LCN8: variants seen among roughly 807,000 people sequenced by gnomAD.
LCN8 encodes the protein epididymal-specific lipocalin-8.
In LCN8, 16 loss-of-function variants were observed where a neutral mutation model predicts 22.8. The ratio of observed to expected loss-of-function variants is 0.70; its 90% confidence interval spans 0.47 to 1.06. LCN8 has a LOEUF of 1.06. Among genes scored for constraint, LCN8 ranks in the 50% least tolerant of loss-of-function variants. The pLI, the probability that LCN8 is intolerant of heterozygous loss-of-function variation, is 0.00. For synonymous variants in LCN8, 92 were observed against 83.4 expected (o/e 1.10, Z -0.56); for missense variants, 189 against 203.3 (o/e 0.93, Z 0.43).
intron 6 of LCN8, 48 bp downstream of exon 6, chr9:136,755,087 A>G: frequency 2.0e-6 from 3 of 1,474,622 alleles, no homozygotes; most frequent in Non-Finnish European, 2.7e-6. Flanking sequence ...GGACTGGGCC[A>G]GGGGCCCGGG....
At chr9:136,756,392 C>A in intron 3 of LCN8, 130 bp downstream of exon 3, 2 of 1,599,108 alleles carry the variant, frequency 1.3e-6, no homozygotes, top group Non-Finnish European at 1.7e-6. Flanking sequence ...GGGAACAGTG[C>A]AGGGAACAGC....
In LCN8 at chr9:136,756,888, C is replaced by T. The variant is rs970031819; in HGVS notation, c.155+150G>A. Reference sequence around the variant, plus strand: ...AATGCAGATCCAGGAGCCTGGGGGTCGAGGGCTCAGGCAGACGGGCACCGG... The same window carrying T: ...AATGCAGATCCAGGAGCCTGGGGGTTGAGGGCTCAGGCAGACGGGCACCGG... On this transcript the variant is annotated intron_variant, in intron 2 of 6. Coordinates refer to ENST00000371688, the MANE Select transcript of LCN8 (RefSeq NM_178469.4). 19 of 932,852 alleles carry T rather than the reference C, an allele frequency of 2.0e-5. No homozygotes were observed. The Middle Eastern group carries it at 1.4e-3, about 67-fold the overall frequency. 57.8% of individuals were successfully genotyped at this position (932,852 alleles called of 1,614,324 possible).
intron 1 of LCN8, chr9:136,757,596 G>A (rs901423418): frequency 5.6e-5 from 78 of 1,398,392 alleles, no homozygotes; most frequent in East Asian, 1.3e-4. Context: ...TGCCAACCAC[G>A]CCAGAGGATG....
rs1392103389 is a variant in LCN8 at position 136,756,156 on chromosome 9, GGAACAGCATGA to G, written c.226+355_226+365del. Reference sequence around the variant, plus strand: ...GGGAACAGCATGTGGAACAGCGCAGGGAACAGCATGAGGAACAGTGCAGGGAACAGCATGGG... The same window carrying G: ...GGGAACAGCATGTGGAACAGCGCAGGGGAACAGTGCAGGGAACAGCATGGG... On this transcript the variant is annotated intron_variant, in intron 3 of 6. Transcript: ENST00000371688. The G allele has an allele frequency of 4.7e-4, 435 of 921,122 alleles. 3 individuals carry two copies. The highest frequency in any genetic ancestry group is 1.2e-3 in the Admixed American group (35 of 28,222). The allele number at this position is 921,122 out of a possible 1,614,324, so 57.1% of individuals were successfully genotyped here. A position where few individuals can be genotyped will look rare whatever the true frequency, so the allele number is the denominator to read the frequency against.
Position 136,755,294 on chromosome 9 carries a change from T to G in LCN8, c.371A>C (p.Lys124Thr), listed in dbSNP as rs774526682. The stretch of plus-strand genomic sequence containing the variant: ...AGTGTCTGCTGTCAGCTCCCGAAAC[T>G]TCCAGAACCCCAGCCGGTCCTTGTC... ...LEDKDRLGFW[K>T]FRELTADTGL... The change falls in exon 5 of 7, where the codon AAG becomes ACG. Residue 124 changes from lysine to threonine, a missense_variant. Lys to Thr is a moderately conservative substitution (Grantham distance 78). Transcript: ENST00000371688. 1.2e-6 allele frequency: 2 copies of G among 1,611,282 alleles called. No homozygotes were observed. The highest frequency in any genetic ancestry group is 2.2e-5 in the South Asian group (2 of 91,090).
chr9:136,755,568 C>A, intron 3 of LCN8, 52 bp from the exon 4 acceptor site: 1 of 1,569,448 alleles, frequency 6.4e-7, no homozygotes. Context: ...GGACGGACCT[C>A]GAAGGCCAGG....
chr9:136,754,908 G>A, intron 6 of LCN8: 1 of 1,365,032 alleles, frequency 7.3e-7, no homozygotes, highest in Non-Finnish European at 9.4e-7. Context: ...GTCCCTGCCT[G>A]GCAGCCTAGG....
intron 1 of LCN8, chr9:136,757,432 TA>T (rs1490086962): frequency 1.4e-6 from 2 of 1,400,556 alleles, no homozygotes; most frequent in Non-Finnish European, 1.9e-6. Flanking sequence ...GAACAGTCCC[TA>T]GGGCTTCTGC....
At chr9:136,756,689 A>T (rs1847213778) in intron 2 of LCN8, 97 bp from the exon 3 acceptor site, 6 of 1,538,100 alleles carry the variant, frequency 3.9e-6, no homozygotes, top group African/African-American at 2.8e-5. Flanking sequence ...GGAAGGGCAC[A>T]GGCAGCACTG....
intron 6 of LCN8, 34 bp downstream of exon 6, chr9:136,755,101 T>C: frequency 6.7e-7 from 1 of 1,502,840 alleles, no homozygotes. Flanking sequence ...GCCCGGGAAC[T>C]TCAGCACAGG....
chr9:136,754,656 A>G, intron 6 of LCN8, 147 bp from the exon 7 acceptor site: 1 of 1,435,674 alleles, frequency 7.0e-7, no homozygotes, highest in Non-Finnish European at 9.1e-7. Flanking sequence ...CTCAATCTGC[A>G]AAATGGGGTA....
Position 136,758,161 on chromosome 9 carries a change from C to T in LCN8, c.-231G>A. 1 of 1,430,538 alleles carries T rather than the reference C, an allele frequency of 7.0e-7. No individual in the cohort carries two copies. The highest frequency in any genetic ancestry group is 9.2e-7 in the Non-Finnish European group (1 of 1,092,698). 88.6% of individuals were successfully genotyped at this position (1,430,538 alleles called of 1,614,324 possible). ...ACAAGCGCCATCGGCCCTGGTGACACCCACGCCCACCGCAGGGGTTAGCCT... is the reference window on the plus strand; with the variant it reads ...ACAAGCGCCATCGGCCCTGGTGACATCCACGCCCACCGCAGGGGTTAGCCT... On this transcript the variant is annotated 5_prime_UTR_variant, in exon 1 of 7. The change creates a new upstream start codon in the 5' untranslated region. Coordinates refer to ENST00000371688, the MANE Select transcript of LCN8 (RefSeq NM_178469.4).
At chr9:136,757,394 C>G (rs966991607) in intron 1 of LCN8, 1 of 1,422,646 alleles carries the variant, frequency 7.0e-7, no homozygotes, top group African/African-American at 1.4e-5. Flanking sequence ...CAGGGCAGCC[C>G]CTCCCCACTG....
chr9:136,754,713 C>T (rs1459944057), intron 6 of LCN8: 36 of 1,409,528 alleles, frequency 2.6e-5, no homozygotes, highest in Non-Finnish European at 3.2e-5. Flanking sequence ...GAGGGAGACA[C>T]TGGGTTCTCG....
intron 2 of LCN8, 62 bp downstream of exon 2, chr9:136,756,976 A>G: frequency 1.9e-6 from 3 of 1,567,724 alleles, no homozygotes; most frequent in Non-Finnish European, 2.6e-6. Flanking sequence ...GGGTGCAGCA[A>G]CCCACGCCCA....
intron 6 of LCN8, 48 bp from the exon 7 acceptor site, chr9:136,754,557 C>A (rs764021162): frequency 6.5e-7 from 1 of 1,543,480 alleles, no homozygotes; most frequent in East Asian, 2.4e-5. Flanking sequence ...TCTCTGGAGG[C>A]CCCACGGGGC....
At chr9:136,756,886 G>A (rs1847220119) in intron 2 of LCN8, 152 bp downstream of exon 2, 2 of 917,400 alleles carry the variant, frequency 2.2e-6, no homozygotes, top group African/African-American at 1.7e-5. Flanking sequence ...GAGCCTGGGG[G>A]TCGAGGGCTC....
chr9:136,757,460 C>G, intron 1 of LCN8: 1 of 1,362,932 alleles, frequency 7.3e-7, no homozygotes, highest in Non-Finnish European at 9.5e-7. Flanking sequence ...TCGGGAGGAA[C>G]CACAGGCCCT....
intron 3 of LCN8, chr9:136,756,201 CAGGGAACAGCATGGGGAACAGT>C: frequency 7.5e-7 from 1 of 1,335,896 alleles, no homozygotes; most frequent in Non-Finnish European, 9.8e-7. Flanking sequence ...GGGAACAGCG[CAGGGAACAGCATGGGGAACAGT>C]GCAGGGAACA....
Sources: gnomAD v4.1 joint callset for allele counts on GRCh38, gnomAD v4.1.1 for gene constraint, MANE v1.5 for transcripts, NCBI Gene and HGNC (gene_info 2026-07-23, HGNC 2026-07-21) for gene names.